ZXDC: variants seen among roughly 807,000 people sequenced by gnomAD.
ZXDC encodes zinc finger protein ZXDC.
In ZXDC, 58 loss-of-function variants were observed where a neutral mutation model predicts 63.6. The ratio of observed to expected loss-of-function variants is 0.91; its 90% CI spans 0.74 to 1.13. The LOEUF is 1.13. Among genes scored for constraint, ZXDC ranks in the 50% most tolerant of loss-of-function variants. The pLI is 0.00. For missense variants in ZXDC, 1,133 were observed against 1,148.9 expected (o/e 0.99, Z 0.20); for synonymous variants, 561 against 496.1 (o/e 1.13, Z -1.74).
At chr3:126,473,725 T>C (rs902270652) in intron 1 of ZXDC, among the ~76,000 whole-genome samples, 4 of 152,232 alleles carry the variant, frequency 2.6e-5, no homozygotes, top group African/African-American at 9.6e-5. Context: ...AATTCTCATC[T>C]CATCCTTTAA....
intron 8 of ZXDC, 153 bp downstream of exon 8, chr3:126,441,612 G>A (rs1933679750): frequency 7.3e-7 from 1 of 1,374,488 alleles, no homozygotes; most frequent in Non-Finnish European, 9.4e-7. Flanking sequence ...GAGGAGACAG[G>A]ACTTGGGGCA....
chr3:126,472,206 C>G lies in ZXDC; in HGVS notation c.1007G>C (p.Ser336Thr). 1 of 1,613,526 alleles carries G rather than the reference C, an allele frequency of 6.2e-7. No individual in the cohort carries two copies. Among genetic ancestry groups the G allele is most frequent in the African/African-American group, 1.3e-5 (1 of 75,058 alleles). The change falls in exon 2 of 10, where the codon AGC (serine) becomes ACC (threonine). Residue 336 changes from serine (S) to threonine (T), a missense_variant. Ser to Thr is a moderately conservative substitution (Grantham distance 58). Transcript: ENST00000389709. ...CCGACAGGCTTTATCATACTGCTTG[C>G]TGCACCCAGGAAAGGAGCAGGAAAA... is the stretch of plus-strand genomic sequence containing the variant. The part of the protein sequence containing the change: ...ELFSCSFPGC[S>T]KQYDKACRLK...
At chr3:126,452,223 A>T in intron 7 of ZXDC, 5 of 985,436 alleles carry the variant, frequency 5.1e-6, no homozygotes, top group Non-Finnish European at 6.0e-6. Context: ...TCTTAGCTAC[A>T]GTGCAAATCC....
intron 9 of ZXDC, 139 bp from the exon 10 acceptor site, chr3:126,438,600 T>C: frequency 1.5e-6 from 1 of 676,448 alleles, no homozygotes; most frequent in Non-Finnish European, 2.5e-6. Flanking sequence ...GCTCCCCTTA[T>C]TCTAAACACA....
At chr3:126,469,946 C>T (rs1021874866) in intron 4 of ZXDC, among the ~76,000 whole-genome samples, 1 of 152,198 alleles carries the variant, frequency 6.6e-6, no homozygotes, top group African/African-American at 2.4e-5. Context: ...GGTAAGGAAA[C>T]CAAGGCCCAG....
intron 7 of ZXDC, chr3:126,459,213 T>C (rs891190636): frequency 6.1e-6 from 6 of 984,934 alleles, no homozygotes; most frequent in Non-Finnish European, 7.2e-6. Flanking sequence ...GATTTCAACA[T>C]AACTCTGACA....
intron 4 of ZXDC, among the ~76,000 whole-genome samples, chr3:126,468,231 T>C (rs1237165205): frequency 2.6e-5 from 4 of 151,992 alleles, no homozygotes; most frequent in African/African-American, 7.2e-5. Flanking sequence ...CCAGCACACA[T>C]AGCCCCGAGG....
intron 7 of ZXDC, chr3:126,454,556 ACACACAGCGGAGAGTGTGCTTCC>A: frequency 1.0e-6 from 1 of 985,412 alleles, no homozygotes; most frequent in Non-Finnish European, 1.2e-6. Flanking sequence ...CTCCTAGACA[ACACACAGCGGAGAGTGTGCTTCC>A]CATGTATTCA....
At chr3:126,451,172 T>C (rs888596400) in intron 7 of ZXDC, 1 of 985,372 alleles carries the variant, frequency 1.0e-6, no homozygotes, top group Non-Finnish European at 1.2e-6. Context: ...TATTTTCCAA[T>C]AGAAAAAGTA....
At chr3:126,466,076 G>A in intron 5 of ZXDC, 79 bp downstream of exon 5, 3 of 1,506,150 alleles carry the variant, frequency 2.0e-6, no homozygotes, top group Non-Finnish European at 1.8e-6. Context: ...AAGAGGTGAA[G>A]AAGGAACAGA....
At chr3:126,449,232 C>CT (rs1178812985) in intron 7 of ZXDC, among the ~76,000 whole-genome samples, 3 of 152,146 alleles carry the variant, frequency 2.0e-5, no homozygotes, top group Non-Finnish European at 2.9e-5. Context: ...AAGCTTTTAC[C>CT]TTTTTTTATT....
chr3:126,469,710 T>C (rs560052833), intron 4 of ZXDC, among the ~76,000 whole-genome samples: 1 of 152,210 alleles, frequency 6.6e-6, no homozygotes, highest in South Asian at 2.1e-4. Context: ...TGTCTGGTGC[T>C]CTCCCCTCTT....
At chr3:126,444,262 G>A (rs781369545) in intron 7 of ZXDC, among the ~76,000 whole-genome samples, 15 of 152,240 alleles carry the variant, frequency 9.9e-5, no homozygotes, top group Non-Finnish European at 2.2e-4. Flanking sequence ...GCCGGGCGCA[G>A]TGGCTCACGC....
chr3:126,460,924 AG>A, intron 6 of ZXDC: 1 of 985,386 alleles, frequency 1.0e-6, no homozygotes, highest in African/African-American at 1.7e-5. Flanking sequence ...ATTCCCATCT[AG>A]GTCAGGAAAG....
intron 7 of ZXDC, among the ~76,000 whole-genome samples, chr3:126,449,984 T>A (rs1368129025): frequency 6.6e-6 from 1 of 152,196 alleles, no homozygotes; most frequent in Non-Finnish European, 1.5e-5. Context: ...CAGCCCATTC[T>A]CCAGCACTGG....
Position 126,466,198 on chromosome 3 carries a change from G to T in ZXDC, c.1398C>A (p.His466Gln), listed in dbSNP as rs778851673. The change falls in exon 5 of 10, where the codon CAC (histidine) becomes CAA (glutamine). Residue 466 changes from histidine (H) to glutamine (Q), a missense_variant. Physicochemically the swap from His to Gln is conservative, Grantham distance 24 (BLOSUM62 0). Transcript: ENST00000389709. ...GTCTGACCATGTGCGCCTTCATGCT[G>T]TGCTTGGAGGTGAAGAGTCTGTTGC... ...STCNRLFTSK[H>Q]SMKAHMVRQH... The T allele has an allele frequency of 6.2e-7, 1 of 1,614,220 alleles. No individual in the cohort carries two copies. The highest frequency in any genetic ancestry group is 1.7e-5 in the Admixed American group (1 of 60,028).
At chr3:126,450,579 G>A (rs1300035962) in intron 7 of ZXDC, 3 of 456,256 alleles carry the variant, frequency 6.6e-6, no homozygotes, top group Non-Finnish European at 1.3e-5. Flanking sequence ...AATAAATGGG[G>A]GTGCACCTCC....
In ZXDC at chr3:126,458,921, G is replaced by A. The variant is rs1003986450; in HGVS notation, c.2212+732C>T. On this transcript the variant is annotated intron_variant, in intron 7 of 9. Transcript: ENST00000389709. Reference sequence around the variant, plus strand: ...ACTGATTAACAGAAAACCGGCAATTGTTATTTATTTTAAATAAGAAGTCAT... The same window carrying A: ...ACTGATTAACAGAAAACCGGCAATTATTATTTATTTTAAATAAGAAGTCAT... The A allele has an allele frequency of 1.6e-5, 16 of 983,770 alleles. No individual in the cohort carries two copies. In the African/African-American group the frequency reaches 2.8e-4, roughly 17 times the overall value. The allele number at this position is 983,770 out of a possible 1,614,324, so 60.9% of individuals were successfully genotyped here.
At chr3:126,467,724 C>T (rs1934827304) in intron 4 of ZXDC, among the ~76,000 whole-genome samples, 1 of 152,210 alleles carries the variant, frequency 6.6e-6, no homozygotes, top group African/African-American at 2.4e-5. Context: ...TGCAAGCGCG[C>T]AGTTTCCTCT....
Sources: allele counts gnomAD v4.1 joint callset (sites outside exome capture counted in the v4.1 genomes callset), GRCh38; gene constraint gnomAD v4.1.1; transcripts MANE v1.5; gene names NCBI Gene and HGNC (gene_info 2026-07-23, HGNC 2026-07-21).